Variants in JPH2 observed in about 807,000 individuals in gnomAD.
JPH2 encodes junctophilin-2.
A neutral mutation model predicts 55.9 loss-of-function variants in JPH2; 38 were observed. That is an observed-to-expected ratio of 0.68 (90% confidence interval 0.52 to 0.89). JPH2 has a LOEUF of 0.89. JPH2 is among the 40% of genes least tolerant of loss of function. JPH2 has a pLI of 0.00. For missense variants in JPH2, 964 were observed against 1,037.6 expected (o/e 0.93, Z 0.97); for synonymous variants, 480 against 472.4 (o/e 1.02, Z -0.21).
intron 1 of JPH2, among the ~76,000 whole-genome samples, chr20:44,184,841 C>T (rs2072818848): frequency 6.6e-6 from 1 of 152,226 alleles, no homozygotes; most frequent in South Asian, 2.1e-4. Flanking sequence ...TAAAGTATTT[C>T]CTGACCTCCT....
chr20:44,158,213 G>T (rs2072579391), intron 2 of JPH2, among the ~76,000 whole-genome samples: 1 of 152,220 alleles, frequency 6.6e-6, no homozygotes, highest in Admixed American at 6.5e-5. Flanking sequence ...CTCTCTAAGG[G>T]AGTCAGGCTT....
At chr20:44,162,534 T>C (rs1201335326) in intron 1 of JPH2, among the ~76,000 whole-genome samples, 3 of 151,760 alleles carry the variant, frequency 2.0e-5, no homozygotes, top group Non-Finnish European at 2.9e-5. Context: ...CCAGCAAATA[T>C]AAAGCAGGCA....
In JPH2 at chr20:44,115,798, G is replaced by T; in HGVS notation, c.1877C>A (p.Pro626His). ...RETPAKLEPK[P>H]IIPKAEPRAK... ...CCTGGGCTCGGCTTTGGGGATGATG[G>T]GCTTGGGCTCCAGCTTGGCGGGGGT... Residue 626 changes from proline (P) to histidine (H), a missense_variant, in exon 4 of 6, where the codon CCC becomes CAC. Pro to His is a moderately conservative substitution (Grantham distance 77). Coordinates refer to ENST00000372980, the MANE Select transcript of JPH2 (RefSeq NM_020433.5). 6.2e-7 allele frequency: 1 copy of T among 1,608,436 alleles called. No individual in the cohort carries two copies. The highest frequency in any genetic ancestry group is 8.5e-7 in the Non-Finnish European group (1 of 1,179,538).
In JPH2 at chr20:44,177,756, G is replaced by C. The variant is rs1017628537; in HGVS notation, c.379+8571C>G. The stretch of plus-strand genomic sequence containing the variant: ...GAATCAAAGTCTTGTCTTATTTACT[G>C]TTCCAAAGTCAAAAACTCGTTTTTG... On this transcript the variant is annotated intron_variant, in intron 1 of 5. Coordinates refer to ENST00000372980, the MANE Select transcript of JPH2 (RefSeq NM_020433.5). 6.2e-6 allele frequency: 9 copies of C among 1,447,660 alleles called. No homozygotes were observed. The Admixed American group carries it at 1.1e-4, about 18-fold the overall frequency. 89.7% of individuals were successfully genotyped at this position (1,447,660 alleles called of 1,614,324 possible). A position where few individuals can be genotyped will look rare whatever the true frequency, so the allele number is the denominator to read the frequency against.
At chr20:44,135,704 CGTTTT>C (rs1371770680) in intron 2 of JPH2, among the ~76,000 whole-genome samples, 1 of 152,172 alleles carries the variant, frequency 6.6e-6, no homozygotes, top group Admixed American at 6.5e-5. Context: ...GCTGGACAAA[CGTTTT>C]GTTATATGAA....
At chr20:44,136,439 G>A (rs62204475) in intron 2 of JPH2, among the ~76,000 whole-genome samples, 19,433 of 124,884 alleles carry the variant, frequency 0.16, 1,458 homozygotes, top group South Asian at 0.25. Context: ...GGGACTCATC[G>A]CCATCATCAT....
At chr20:44,117,298 AC>A (rs1232521339) in intron 3 of JPH2, among the ~76,000 whole-genome samples, 9 of 151,892 alleles carry the variant, frequency 5.9e-5, no homozygotes. Context: ...AAAAAACAAA[AC>A]CTTCATCGCA....
At position 44,109,556 on chromosome 20, in the gene JPH2, G is replaced by A. The variant is rs1003884746; in HGVS notation, c.*3962C>T. Among the ~76,000 whole-genome samples, 1 of 152,242 alleles carries A rather than the reference G, an allele frequency of 6.6e-6. No individual in the cohort carries two copies. The highest frequency in any genetic ancestry group is 1.5e-5 in the Non-Finnish European group (1 of 68,042). On this transcript the variant is annotated 3_prime_UTR_variant, in exon 6 of 6. Coordinates refer to ENST00000372980, the MANE Select transcript of JPH2 (RefSeq NM_020433.5). Reference sequence around the variant, plus strand: ...CTACGGCCACCTGACTCCATTGAGTGTACCAGCAAGACAGGCTGAGAGAGT... The same window carrying A: ...CTACGGCCACCTGACTCCATTGAGTATACCAGCAAGACAGGCTGAGAGAGT...
Position 44,159,885 on chromosome 20 carries a change from G to A in JPH2, c.902C>T (p.Ser301Leu), listed in dbSNP as rs1475520393. ...YMGEWKNDKR[S>L]GFGVSERSSG... ...GGAGCGTTCGCTCACGCCGAAGCCC[G>A]AGCGTTTGTCGTTCTTCCACTCGCC... The change falls in exon 2 of 6, where the codon TCG becomes TTG. Residue 301 changes from serine (S) to leucine (L), a missense_variant. Ser to Leu is a moderately radical substitution (Grantham distance 145). Coordinates refer to ENST00000372980, the MANE Select transcript of JPH2 (RefSeq NM_020433.5). This position sits in a 1 kb window ranked among gnomAD's most constrained non-coding sequence, Gnocchi z 5.7. The A allele has an allele frequency of 1.2e-6, 2 of 1,613,304 alleles. No homozygotes were observed. The highest frequency in any genetic ancestry group is 8.5e-7 in the Non-Finnish European group (1 of 1,179,804).
intron 2 of JPH2, among the ~76,000 whole-genome samples, chr20:44,145,213 C>G (rs1396757203): frequency 2.0e-5 from 3 of 152,216 alleles, no homozygotes; most frequent in Non-Finnish European, 4.4e-5. Flanking sequence ...ACTGGTCTCA[C>G]TGTGGGGAAA....
chr20:44,133,521 C>G (rs1244938569), intron 2 of JPH2, among the ~76,000 whole-genome samples: 2 of 151,936 alleles, frequency 1.3e-5, no homozygotes, highest in Non-Finnish European at 2.9e-5. Context: ...TACCTGATTC[C>G]AAAGGTTGTG....
chr20:44,167,222 T>C (rs902008285), intron 1 of JPH2, among the ~76,000 whole-genome samples: 1 of 152,216 alleles, frequency 6.6e-6, no homozygotes, highest in Non-Finnish European at 1.5e-5. Context: ...TGAATAATTA[T>C]CATGACCATT....
At chr20:44,135,136 C>G (rs1053141821) in intron 2 of JPH2, among the ~76,000 whole-genome samples, 11 of 151,518 alleles carry the variant, frequency 7.3e-5, no homozygotes, top group Non-Finnish European at 1.5e-4. Context: ...ATGCTAACCC[C>G]GGATGTAAAC....
At chr20:44,157,313 A>C (rs1473836046) in intron 2 of JPH2, among the ~76,000 whole-genome samples, 1 of 152,058 alleles carries the variant, frequency 6.6e-6, no homozygotes. Flanking sequence ...CCTGCATACA[A>C]ATGAGGAGAG....
At position 44,115,980 on chromosome 20, in the gene JPH2, G is replaced by A. The variant is rs2072187813; in HGVS notation, c.1695C>T (p.Gly565=). ...TGGTGCGCACAGCATAGCTGTGGTAGCCCTGGTAAAGCGCCACCTCCGGCT... is the reference window on the plus strand; with the variant it reads ...TGGTGCGCACAGCATAGCTGTGGTAACCCTGGTAAAGCGCCACCTCCGGCT... The part of the protein sequence containing the change: ...SREPEVALYQ[G]YHSYAVRTTP... The change falls in exon 4 of 6, where the codon GGC becomes GGT. Residue 565 remains glycine (G), a synonymous_variant. Transcript: ENST00000372980. 3 of 1,578,210 alleles carry A rather than the reference G, an allele frequency of 1.9e-6. No individual in the cohort carries two copies. The highest frequency in any genetic ancestry group is 2.6e-6 in the Non-Finnish European group (3 of 1,169,928).
chr20:44,115,890 C>A lies in JPH2; in HGVS notation c.1785G>T (p.Ala595=). Residue 595 remains alanine, a synonymous_variant, in exon 4 of 6, where the codon GCG becomes GCT. Transcript: ENST00000372980. ...GCGGGGCGGTGGCCGGGGACGAGGGCGCGGACTCGGACCCGGAGACCTCGG... is the reference window on the plus strand; with the variant it reads ...GCGGGGCGGTGGCCGGGGACGAGGGAGCGGACTCGGACCCGGAGACCTCGG... ...PEPEVSGSES[A]PSSPATAPLQ... The A allele has an allele frequency of 6.3e-7, 1 of 1,578,672 alleles. No individual in the cohort carries two copies. Among genetic ancestry groups the A allele is most frequent in the South Asian group, 1.1e-5 (1 of 89,232 alleles).
At chr20:44,134,789 A>T (rs2072391854) in intron 2 of JPH2, among the ~76,000 whole-genome samples, 1 of 99,224 alleles carries the variant, frequency 1.0e-5, no homozygotes, top group Non-Finnish European at 1.9e-5. Context: ...AATATACATA[A>T]ATATACATTT....
intron 2 of JPH2, among the ~76,000 whole-genome samples, chr20:44,126,131 A>G (rs1179575305): frequency 4.2e-5 from 3 of 71,574 alleles, no homozygotes; most frequent in African/African-American, 1.6e-4. Flanking sequence ...ATATCAGAAG[A>G]AAAAGAGAGA....
At chr20:44,138,403 G>A (rs2072432164) in intron 2 of JPH2, among the ~76,000 whole-genome samples, 1 of 151,784 alleles carries the variant, frequency 6.6e-6, no homozygotes, top group Non-Finnish European at 1.5e-5. Context: ...TTATTAGACA[G>A]AGTCTGGCTC....
Sources: allele counts gnomAD v4.1 joint callset (sites outside exome capture counted in the v4.1 genomes callset), GRCh38; gene constraint gnomAD v4.1.1; non-coding constraint Gnocchi (gnomAD v3.1); transcripts MANE v1.5; gene names NCBI Gene and HGNC (gene_info 2026-07-23, HGNC 2026-07-21).